Variants in CELF2 observed in about 807,000 individuals in gnomAD.
The protein encoded by CELF2 is CUG triplet repeat RNA-binding protein 2.
Under a neutral mutation model 62.6 loss-of-function variants are expected in CELF2, and 8 were observed. The ratio of observed to expected loss-of-function variants is 0.13; its 90% CI spans 0.07 to 0.23. CELF2 has a LOEUF of 0.23. Ranked by LOEUF, CELF2 falls within the 10% of genes least tolerant of loss-of-function variation. The pLI, the probability that CELF2 is intolerant of heterozygous loss-of-function variation, is 1.00. For missense variants in CELF2, 333 were observed against 671.0 expected (o/e 0.50, Z 5.56); for synonymous variants, 258 against 250.0 (o/e 1.03, Z -0.30).
chr10:10,599,754 T>A, the CELF2 span, among the ~76,000 whole-genome samples: 2 of 144,512 alleles, frequency 1.4e-5, no homozygotes, highest in Non-Finnish European at 3.0e-5. Context: ...TTTTTTGAGA[T>A]GGAGTCTCGC....
the CELF2 span, among the ~76,000 whole-genome samples, chr10:10,749,017 C>T: frequency 1.3e-5 from 2 of 152,000 alleles, no homozygotes; most frequent in African/African-American, 4.8e-5. Context: ...TTACTGAGAT[C>T]GGGAGAAGGG....
chr10:10,934,545 T>C lies in CELF2; in HGVS notation c.89+14546T>C, dbSNP rs2066431194. 6.6e-6 allele frequency: 1 copy of C among 152,208 alleles called. No homozygotes were observed. Among genetic ancestry groups the C allele is most frequent in the African/African-American group, 2.4e-5 (1 of 41,436 alleles). The allele number at this position is 152,208 out of a possible 1,614,324, so 9.4% of individuals were successfully genotyped here. ...AATATTGGGGAAAACTAATCAATAT[T>C]ATTTGCTTAAACTCAGGCAATGAAG... is the stretch of plus-strand genomic sequence containing the variant. On this transcript the variant is annotated intron_variant, in intron 2 of 13. Coordinates refer to the CELF2 transcript ENST00000636488. This position sits in a 1 kb window ranked among gnomAD's most constrained non-coding sequence, Gnocchi z 4.4.
At chr10:11,131,231 C>G (rs2059579608) in intron 1 of CELF2, among the ~76,000 whole-genome samples, 1 of 152,170 alleles carries the variant, frequency 6.6e-6, no homozygotes, top group Non-Finnish European at 1.5e-5. Flanking sequence ...TGACAGTGGC[C>G]TTAAGAGTGT....
At position 11,075,422 on chromosome 10, in the gene CELF2, C is replaced by T. The variant is rs895104825; in HGVS notation, c.74+57259C>T. 5.3e-5 allele frequency: 8 copies of T among 152,094 alleles called. No homozygotes were observed. Among genetic ancestry groups the T allele is most frequent in the African/African-American group, 9.7e-5 (4 of 41,406 alleles). The allele number at this position is 152,094 out of a possible 1,614,324, so 9.4% of individuals were successfully genotyped here. A position where few individuals can be genotyped will look rare whatever the true frequency, so the allele number is the denominator to read the frequency against. ...TTTTACAACCTTACTTATTCAGTAA[C>T]GTATGGAGAGCAGTCCTGGTATACA... On this transcript the variant is annotated intron_variant, in intron 1 of 12. Transcript: ENST00000633077. This position sits in a 1 kb window ranked among gnomAD's most constrained non-coding sequence, Gnocchi z 5.4.
chr10:10,525,484 A>G, the CELF2 span, among the ~76,000 whole-genome samples: 2 of 152,068 alleles, frequency 1.3e-5, no homozygotes, highest in Admixed American at 1.3e-4. Flanking sequence ...CCCTAGACCA[A>G]CATCTTTCTA....
chr10:11,160,057 CA>C (rs1464100732), intron 1 of CELF2, among the ~76,000 whole-genome samples: 1 of 152,254 alleles, frequency 6.6e-6, no homozygotes, highest in African/African-American at 2.4e-5. Context: ...CAGCCTGTGT[CA>C]CCTGTGAGCC....
At position 10,990,674 on chromosome 10, in the gene CELF2, G is replaced by T. The variant is rs1440573281; in HGVS notation, c.89+70675G>T. 1.3e-5 allele frequency among the ~76,000 whole-genome samples: 2 copies of T among 152,046 alleles called. No homozygotes were observed. The highest frequency in any genetic ancestry group is 2.4e-5 in the African/African-American group (1 of 41,398). On this transcript the variant is annotated intron_variant, in intron 2 of 13. Transcript: ENST00000636488. The surrounding 1 kb of genome is among the most constrained non-coding windows in gnomAD (Gnocchi z 4.6). ...ATTTGTAGCAAGATGCTAAATAAAG[G>T]CTAAAAAAGATAATGATCTTCCAGA...
chr10:10,632,556 C>A, the CELF2 span, among the ~76,000 whole-genome samples: 1 of 152,078 alleles, frequency 6.6e-6, no homozygotes, highest in African/African-American at 2.4e-5. Flanking sequence ...TCATTGTGAA[C>A]AAGAAACCCT....
intron 1 of CELF2, among the ~76,000 whole-genome samples, chr10:10,880,561 A>G (rs2061382488): frequency 6.6e-6 from 1 of 152,190 alleles, no homozygotes. Context: ...TGTTACGGAT[A>G]CTGGCTTCAG....
At position 11,227,686 on chromosome 10, in the gene CELF2, A is replaced by G. The variant is rs367915197; in HGVS notation, c.354+10179A>G. Among the ~76,000 whole-genome samples, 9 of 152,146 alleles carry G rather than the reference A, an allele frequency of 5.9e-5. No homozygotes were observed. The highest frequency in any genetic ancestry group is 2.1e-4 in the South Asian group (1 of 4,830). On this transcript the variant is annotated intron_variant, in intron 3 of 12. Coordinates refer to ENST00000633077, the MANE Select transcript of CELF2 (RefSeq NM_001326342.2). This position sits in a 1 kb window ranked among gnomAD's most constrained non-coding sequence, Gnocchi z 4.8. ...CTCAGGCTACCTCTATCTTAGTTACAACAGTCAGAGCTCATGATGTCATGG... is the reference window on the plus strand; with the variant it reads ...CTCAGGCTACCTCTATCTTAGTTACGACAGTCAGAGCTCATGATGTCATGG...
chr10:10,953,785 A>G (rs889327176), intron 2 of CELF2, among the ~76,000 whole-genome samples: 5 of 151,750 alleles, frequency 3.3e-5, no homozygotes, highest in African/African-American at 1.2e-4. Flanking sequence ...TTGGCAAACT[A>G]AAATATACAG....
chr10:10,745,828 C>A, the CELF2 span, among the ~76,000 whole-genome samples: 3 of 152,216 alleles, frequency 2.0e-5, no homozygotes, highest in East Asian at 5.8e-4. Flanking sequence ...CTCAGTACCT[C>A]TGTACTTGAG....
the CELF2 span, among the ~76,000 whole-genome samples, chr10:10,558,977 C>G: frequency 2.6e-5 from 4 of 152,010 alleles, no homozygotes; most frequent in African/African-American, 9.7e-5. Flanking sequence ...ATAAGAAGAT[C>G]TCATTAATAA....
At chr10:10,792,303 T>A in the CELF2 span, 2 of 397,634 alleles carry the variant, frequency 5.0e-6, no homozygotes, top group Non-Finnish European at 8.9e-6. Flanking sequence ...TGTGGTACAT[T>A]CTAACTTTAC....
At chr10:10,976,879 T>C (rs547688883) in intron 2 of CELF2, among the ~76,000 whole-genome samples, 10 of 152,320 alleles carry the variant, frequency 6.6e-5, no homozygotes, top group East Asian at 1.9e-4. Flanking sequence ...TCATGTGTCG[T>C]GTCTCATCAT....
the CELF2 span, among the ~76,000 whole-genome samples, chr10:10,555,281 CT>C: frequency 3.9e-3 from 570 of 145,620 alleles, no homozygotes; most frequent in Middle Eastern, 7.1e-3. Context: ...GCCAGAAAGT[CT>C]TTTTTTTTTT....
At chr10:10,980,436 G>C (rs2051943857) in intron 2 of CELF2, among the ~76,000 whole-genome samples, 1 of 152,182 alleles carries the variant, frequency 6.6e-6, no homozygotes, top group Non-Finnish European at 1.5e-5. Flanking sequence ...TCTATTGTAA[G>C]AGGCAAAAGT....
chr10:11,166,518 T>C (rs976193906), intron 2 of CELF2, among the ~76,000 whole-genome samples: 1 of 152,210 alleles, frequency 6.6e-6, no homozygotes, highest in African/African-American at 2.4e-5. Context: ...CTGCTACCAC[T>C]TGGTCTCTGT....
intron 3 of CELF2, among the ~76,000 whole-genome samples, chr10:11,221,465 A>G (rs1452286511): frequency 2.0e-5 from 3 of 152,232 alleles, no homozygotes; most frequent in Non-Finnish European, 4.4e-5. Context: ...GATCTTTTCA[A>G]TAATCAGATG....
Sources: allele counts gnomAD v4.1 joint callset (sites outside exome capture counted in the v4.1 genomes callset), GRCh38; gene constraint gnomAD v4.1.1; non-coding constraint Gnocchi (gnomAD v3.1); transcripts MANE v1.5; gene names NCBI Gene and HGNC (gene_info 2026-07-23, HGNC 2026-07-21).